Variants in RGS6 observed in about 807,000 individuals in gnomAD.
The protein encoded by RGS6 is regulator of G protein signaling 6.
RGS6 carries 30 observed loss-of-function variants against 78.5 expected under a neutral mutation model. The ratio of observed to expected loss-of-function variants is 0.38; its 90% CI spans 0.29 to 0.52. RGS6 has a LOEUF of 0.52. RGS6 is among the 20% of genes least tolerant of loss of function. The pLI, the probability that RGS6 is intolerant of heterozygous loss-of-function variation, is 0.85. For missense variants in RGS6, 495 were observed against 609.7 expected (o/e 0.81, Z 1.98); for synonymous variants, 206 against 206.0 (o/e 1.00, Z 0.00).
At chr14:72,360,172 C>T (rs1382000021) in intron 3 of RGS6, among the ~76,000 whole-genome samples, 5 of 152,062 alleles carry the variant, frequency 3.3e-5, no homozygotes, top group African/African-American at 1.2e-4. Flanking sequence ...TTGAATTTAA[C>T]ATGCATATTG....
At chr14:72,340,571 C>T (rs1432041999) in intron 2 of RGS6, among the ~76,000 whole-genome samples, 1 of 152,160 alleles carries the variant, frequency 6.6e-6, no homozygotes, top group African/African-American at 2.4e-5. Flanking sequence ...CTGGGGGCAT[C>T]ACTTTGACCT....
chr14:72,091,708 G>T (rs946453649), intron 2 of RGS6, among the ~76,000 whole-genome samples: 3 of 152,144 alleles, frequency 2.0e-5, no homozygotes, highest in Non-Finnish European at 4.4e-5. Context: ...GAGAGCAGAG[G>T]TGGAGAGTGG....
intron 2 of RGS6, among the ~76,000 whole-genome samples, chr14:72,119,588 T>C (rs1000460478): frequency 6.6e-6 from 1 of 152,170 alleles, no homozygotes; most frequent in Non-Finnish European, 1.5e-5. Flanking sequence ...TCATATATAC[T>C]CACAGATCAA....
chr14:72,481,548 C>T (rs1216828655), intron 12 of RGS6, among the ~76,000 whole-genome samples: 1 of 152,194 alleles, frequency 6.6e-6, no homozygotes, highest in Non-Finnish European at 1.5e-5. Context: ...AAGACTTGCT[C>T]TTCTGCACAG....
intron 2 of RGS6, among the ~76,000 whole-genome samples, chr14:72,110,951 A>G (rs573729010): frequency 2.6e-5 from 4 of 152,258 alleles, no homozygotes; most frequent in African/African-American, 4.8e-5. Context: ...TCCATTGCAC[A>G]TACCAACCAA....
chr14:71,984,317 A>AAC (rs1566960745), intron 2 of RGS6, among the ~76,000 whole-genome samples: 1 of 111,484 alleles, frequency 9.0e-6, no homozygotes. Context: ...AAAAAAAAAA[A>AAC]AAAAACAAAG....
At chr14:72,578,256 C>T in the RGS6 span, among the ~76,000 whole-genome samples, 1 of 152,150 alleles carries the variant, frequency 6.6e-6, no homozygotes, top group African/African-American at 2.4e-5. Flanking sequence ...TGTTCACATC[C>T]TCCTCCTTCC....
chr14:72,445,667 G>T lies in RGS6; in HGVS notation c.185-8861G>T, dbSNP rs146716536. 1.5e-3 allele frequency among the ~76,000 whole-genome samples: 223 copies of T among 152,262 alleles called. 1 individual carries two copies. The highest frequency in any genetic ancestry group is 5.1e-3 in the African/African-American group (212 of 41,558). On this transcript the variant is annotated intron_variant, in intron 3 of 17. Coordinates refer to ENST00000553525, the MANE Select transcript of RGS6 (RefSeq NM_001204424.2). ...ACATGTGTGGGTGTTTATGTATTAT[G>T]ATGTGTATTTGAATACAACTATCAA...
chr14:72,139,618 G>T (rs1392947478), intron 2 of RGS6, among the ~76,000 whole-genome samples: 1 of 152,152 alleles, frequency 6.6e-6, no homozygotes, highest in Non-Finnish European at 1.5e-5. Context: ...AGGAAGTAAA[G>T]TTGTTTATAG....
intron 2 of RGS6, among the ~76,000 whole-genome samples, chr14:72,324,602 G>A (rs572934334): frequency 1.1e-4 from 16 of 152,110 alleles, no homozygotes; most frequent in South Asian, 8.3e-4. Context: ...GAGAACATGC[G>A]GTGTTTGGTT....
intron 12 of RGS6, among the ~76,000 whole-genome samples, chr14:72,485,868 C>A (rs985144547): frequency 9.9e-5 from 15 of 152,192 alleles, no homozygotes; most frequent in African/African-American, 3.6e-4. Flanking sequence ...TCTTTCATGA[C>A]AGACATGTGT....
chr14:72,204,186 C>T (rs1048939776), intron 2 of RGS6, among the ~76,000 whole-genome samples: 1 of 152,178 alleles, frequency 6.6e-6, no homozygotes, highest in Non-Finnish European at 1.5e-5. Context: ...TGTTTTACAA[C>T]CATCACCACT....
At chr14:72,448,212 G>T (rs903839488) in intron 3 of RGS6, among the ~76,000 whole-genome samples, 1 of 152,194 alleles carries the variant, frequency 6.6e-6, no homozygotes, top group Admixed American at 6.5e-5. Flanking sequence ...ACCATGAGTT[G>T]CTCTCAAGTG....
intron 3 of RGS6, among the ~76,000 whole-genome samples, chr14:72,426,136 C>T (rs2094427124): frequency 6.6e-6 from 1 of 152,070 alleles, no homozygotes; most frequent in African/African-American, 2.4e-5. Context: ...TTATGTTGAA[C>T]TTACCAAGTG....
chr14:72,556,672 A>AGGT (rs943700170), intron 17 of RGS6, among the ~76,000 whole-genome samples: 1 of 14,234 alleles, frequency 7.0e-5, no homozygotes, highest in African/African-American at 3.0e-4. Context: ...GTACATGAGA[A>AGGT]GGTAGGGGTC....
chr14:72,237,759 AGGTACAGGAGCT>A (rs1227115389), intron 2 of RGS6, among the ~76,000 whole-genome samples: 1 of 152,162 alleles, frequency 6.6e-6, no homozygotes, highest in East Asian at 1.9e-4. Context: ...GCAGGTGAGC[AGGTACAGGAGCT>A]GGGGGAATGT....
chr14:72,244,350 G>A (rs543708851), intron 2 of RGS6, among the ~76,000 whole-genome samples: 1 of 150,524 alleles, frequency 6.6e-6, no homozygotes, highest in African/African-American at 2.4e-5. Flanking sequence ...TGAACGAACA[G>A]CCCACACTTT....
intron 2 of RGS6, among the ~76,000 whole-genome samples, chr14:72,045,086 T>C (rs186378468): frequency 3.9e-4 from 60 of 152,280 alleles, no homozygotes; most frequent in Middle Eastern, 3.4e-3. Flanking sequence ...GCAGATGGCG[T>C]ACTATGGGAC....
intron 17 of RGS6, among the ~76,000 whole-genome samples, chr14:72,551,186 G>A (rs1162928401): frequency 1.3e-5 from 2 of 152,148 alleles, no homozygotes; most frequent in Non-Finnish European, 2.9e-5. Flanking sequence ...ATCATGAGAA[G>A]GACCATCAAG....
Sources: allele counts gnomAD v4.1 joint callset (sites outside exome capture counted in the v4.1 genomes callset), GRCh38; gene constraint gnomAD v4.1.1; transcripts MANE v1.5; gene names NCBI Gene and HGNC (gene_info 2026-07-23, HGNC 2026-07-21).